The following KCNJ6 variants were observed in gnomAD, a reference collection of about 807,000 sequenced individuals.
KCNJ6 encodes the protein G protein-activated inward rectifier potassium channel 2.
KCNJ6 carries 9 observed loss-of-function variants against 34.2 expected under a neutral mutation model. That is an observed-to-expected ratio of 0.26 (90% CI 0.16 to 0.46). The LOEUF is 0.46. Ranked by LOEUF, KCNJ6 falls within the 20% of genes least tolerant of loss-of-function variation. The pLI is 1.00. For missense variants in KCNJ6, 236 were observed against 531.3 expected, an observed-to-expected ratio of 0.44 and a Z score of 5.46; for synonymous variants, 196 against 207.1, an observed-to-expected ratio of 0.95 and a Z score of 0.46.
chr21:37,718,038 C>T (rs2054803206), intron 2 of KCNJ6, among the ~76,000 whole-genome samples: 1 of 152,162 alleles, frequency 6.6e-6, no homozygotes, highest in African/African-American at 2.4e-5. Flanking sequence ...ATCTGTTACT[C>T]CCCTAAAATC....
chr21:37,784,253 G>A (rs936796894), intron 2 of KCNJ6, among the ~76,000 whole-genome samples: 1 of 152,134 alleles, frequency 6.6e-6, no homozygotes, highest in African/African-American at 2.4e-5. Flanking sequence ...CACGAGTCTT[G>A]CTGGCTTTTT....
intron 2 of KCNJ6, among the ~76,000 whole-genome samples, chr21:37,787,878 G>T (rs75414665): frequency 0.011 from 1,737 of 152,266 alleles, 29 homozygotes; most frequent in African/African-American, 0.04. Context: ...TAAGGTCATG[G>T]TTCCATCAGT....
intron 1 of KCNJ6, among the ~76,000 whole-genome samples, chr21:37,853,840 A>ATATGTGTG (rs1490172849): frequency 9.4e-6 from 1 of 106,458 alleles, no homozygotes; most frequent in African/African-American, 3.3e-5. Context: ...AGATACATAT[A>ATATGTGTG]TATATGTATA....
chr21:37,769,412 T>TTTATTATTATTATTA lies in KCNJ6; in HGVS notation c.26-54296_26-54282dup, dbSNP rs71198893. Among the ~76,000 whole-genome samples, 1,252 of 145,326 alleles carry TTTATTATTATTATTA rather than the reference T, an allele frequency of 8.6e-3. 15 individuals carry two copies. The highest frequency in any genetic ancestry group is 0.028 in the African/African-American group (1,119 of 39,364). ...CTGATCTGGTCCTGTAGCCTTCAAT[T>TTTATTATTATTATTA]TTATTATTATTATTATTATTATTAT... On this transcript the variant is annotated intron_variant, in intron 2 of 3. Coordinates refer to ENST00000609713, the MANE Select transcript of KCNJ6 (RefSeq NM_002240.5).
chr21:37,714,134 G>T lies in KCNJ6; in HGVS notation c.946+77C>A. The T allele has an allele frequency of 2.0e-6, 2 of 1,020,364 alleles. No individual in the cohort carries two copies. The highest frequency in any genetic ancestry group is 3.0e-6 in the Non-Finnish European group (2 of 673,140). 63.2% of individuals were successfully genotyped at this position (1,020,364 alleles called of 1,614,324 possible). A position where few individuals can be genotyped will look rare whatever the true frequency, so the allele number is the denominator to read the frequency against. ...AGTGAGGTTCAGTATTCTAGATCTTGTAATAGATAAGAACATCAGGTCCAG... is the reference window on the plus strand; with the variant it reads ...AGTGAGGTTCAGTATTCTAGATCTTTTAATAGATAAGAACATCAGGTCCAG... On this transcript the variant is annotated intron_variant, in intron 3 of 3. Transcript: ENST00000609713. This position sits in a 1 kb window ranked among gnomAD's most constrained non-coding sequence, Gnocchi z 5.9.
At chr21:37,792,575 T>G (rs1302177876) in intron 2 of KCNJ6, among the ~76,000 whole-genome samples, 1 of 152,200 alleles carries the variant, frequency 6.6e-6, no homozygotes, top group African/African-American at 2.4e-5. Flanking sequence ...TGAGATTTAT[T>G]GAGCAACTAC....
intron 1 of KCNJ6, among the ~76,000 whole-genome samples, chr21:37,914,008 G>GGTGTGTGTGTGT (rs371432862): frequency 0.028 from 3,823 of 135,494 alleles, 89 homozygotes; most frequent in East Asian, 0.063. Flanking sequence ...GGCGGATCGG[G>GGTGTGTGTGTGT]GTGTGTGTGT....
At chr21:37,635,171 TA>T (rs1450853859) in intron 3 of KCNJ6, among the ~76,000 whole-genome samples, 1 of 152,176 alleles carries the variant, frequency 6.6e-6, no homozygotes, top group Admixed American at 6.5e-5. Context: ...TTCTAGCTCT[TA>T]AATTGAGTGG....
intron 3 of KCNJ6, among the ~76,000 whole-genome samples, chr21:37,677,219 G>C (rs2054568756): frequency 6.6e-6 from 1 of 152,176 alleles, no homozygotes; most frequent in African/African-American, 2.4e-5. Flanking sequence ...TGGGGATGGG[G>C]AGGGAGAGGA....
intron 3 of KCNJ6, among the ~76,000 whole-genome samples, chr21:37,707,638 G>A (rs962611318): frequency 1.1e-4 from 1 of 8,802 alleles, no homozygotes; most frequent in South Asian, 3.5e-3. Flanking sequence ...AAGGTTATAA[G>A]TGGGTGGGTG....
At chr21:37,813,394 TA>T (rs914840784) in intron 2 of KCNJ6, among the ~76,000 whole-genome samples, 19 of 151,310 alleles carry the variant, frequency 1.3e-4, no homozygotes, top group African/African-American at 4.4e-4. Context: ...TTCACAGAAA[TA>T]AAAAAAAATT....
Position 37,616,608 on chromosome 21 carries a change from T to TATATATATATATATATATAC in KCNJ6, c.*8550_*8551insGTATATATATATATATATAT, listed in dbSNP as rs1410739814. 31 of 127,578 alleles carry TATATATATATATATATATAC rather than the reference T, an allele frequency of 2.4e-4. 1 individual carries two copies. The highest frequency in any genetic ancestry group is 4.6e-4 in the Non-Finnish European group (28 of 60,742). The allele number at this position is 127,578 out of a possible 1,614,324, so 7.9% of individuals were successfully genotyped here. On this transcript the variant is annotated 3_prime_UTR_variant, in exon 4 of 4. Transcript: ENST00000609713. ...AAATGTACATATATATATATATATA[T>TATATATATATATATATATAC]ATATATATGGTTAGACTCTGAACAT... is the stretch of plus-strand genomic sequence containing the variant.
chr21:37,673,853 G>T (rs1285539883), intron 3 of KCNJ6, among the ~76,000 whole-genome samples: 1 of 152,180 alleles, frequency 6.6e-6, no homozygotes, highest in Non-Finnish European at 1.5e-5. Context: ...TCTCATTGGG[G>T]CTCATCCTGG....
chr21:37,662,858 C>CA lies in KCNJ6; in HGVS notation c.947-37375dup, dbSNP rs199697527. ...TTTGGATTTGCATTTCTTGAATGAC[C>CA]AGTGATGTTGAGTTCTTTTCTCGTA... On this transcript the variant is annotated intron_variant, in intron 3 of 3. Transcript: ENST00000609713. 3.5e-3 allele frequency among the ~76,000 whole-genome samples: 531 copies of CA among 152,122 alleles called. 3 individuals are homozygous for CA. The highest frequency in any genetic ancestry group is 0.012 in the African/African-American group (495 of 41,484).
intron 2 of KCNJ6, among the ~76,000 whole-genome samples, chr21:37,828,122 T>G (rs1306812701): frequency 6.6e-6 from 1 of 152,192 alleles, no homozygotes; most frequent in Non-Finnish European, 1.5e-5. Flanking sequence ...TGAATGCAAT[T>G]CTGGGCTGCA....
At chr21:37,651,129 T>A (rs2835864) in intron 3 of KCNJ6, among the ~76,000 whole-genome samples, 21,849 of 152,140 alleles carry the variant, frequency 0.14, 2,410 homozygotes, top group African/African-American at 0.3. Flanking sequence ...ACAGGACCAT[T>A]TAAGGGCAGG....
At chr21:37,758,338 CAGTTATTTTGGGAGA>C (rs993868080) in intron 2 of KCNJ6, among the ~76,000 whole-genome samples, 2 of 152,122 alleles carry the variant, frequency 1.3e-5, no homozygotes, top group African/African-American at 4.8e-5. Context: ...AGAATAATAG[CAGTTATTTTGGGAGA>C]AGTTACCCTG....
intron 2 of KCNJ6, among the ~76,000 whole-genome samples, chr21:37,827,893 T>C (rs1357150292): frequency 6.6e-6 from 1 of 152,132 alleles, no homozygotes; most frequent in African/African-American, 2.4e-5. Context: ...GCTTTGTGTA[T>C]ATTATGAAAC....
At chr21:37,776,663 T>C (rs1249217113) in intron 2 of KCNJ6, among the ~76,000 whole-genome samples, 2 of 152,176 alleles carry the variant, frequency 1.3e-5, no homozygotes, top group Non-Finnish European at 2.9e-5. Flanking sequence ...ATTGATTGCA[T>C]ATGTTGAATC....
Sources: allele counts gnomAD v4.1 joint callset (sites outside exome capture counted in the v4.1 genomes callset), GRCh38; gene constraint gnomAD v4.1.1; non-coding constraint Gnocchi (gnomAD v3.1); transcripts MANE v1.5; gene names NCBI Gene and HGNC (gene_info 2026-07-23, HGNC 2026-07-21).